Variants in C12orf42 observed in about 807,000 individuals in gnomAD.
C12orf42 encodes the protein uncharacterized protein C12orf42.
C12orf42 carries 25 observed loss-of-function variants against 21.6 expected under a neutral mutation model. The ratio of observed to expected loss-of-function variants is 1.16; its 90% CI spans 0.84 to 1.62. The LOEUF is 1.62. Ranked by LOEUF, C12orf42 falls within the 40% of genes most tolerant of loss-of-function variation. The pLI, the probability that C12orf42 is intolerant of heterozygous loss-of-function variation, is 0.00. For missense variants in C12orf42, 483 were observed against 459.3 expected (o/e 1.05, Z -0.47); for synonymous variants, 174 against 175.0 (o/e 0.99, Z 0.05).
chr12:103,146,828 G>T, the C12orf42 span, among the ~76,000 whole-genome samples: 33 of 152,178 alleles, frequency 2.2e-4, no homozygotes, highest in African/African-American at 7.9e-4. Flanking sequence ...TCTACCAATT[G>T]TGGTTTGCAT....
chr12:103,049,497 C>T, the C12orf42 span, among the ~76,000 whole-genome samples: 1 of 152,146 alleles, frequency 6.6e-6, no homozygotes, highest in Non-Finnish European at 1.5e-5. Flanking sequence ...CCCTTCTGTC[C>T]TTGCCCCATA....
upstream of C12orf42, among the ~76,000 whole-genome samples, chr12:103,500,668 T>G (rs1156815155): frequency 6.6e-6 from 1 of 152,184 alleles, no homozygotes; most frequent in Non-Finnish European, 1.5e-5. Context: ...GTTCTGTAAT[T>G]AAAAGAGTGG....
intron 4 of C12orf42, among the ~76,000 whole-genome samples, chr12:103,364,259 C>T (rs536620162): frequency 2.9e-4 from 44 of 152,000 alleles, no homozygotes; most frequent in Non-Finnish European, 5.3e-4. Context: ...GGGTCAACAA[C>T]GAAATCGATA....
At chr12:103,367,862 A>G (rs2044764267) in intron 4 of C12orf42, 1 of 287,528 alleles carries the variant, frequency 3.5e-6, no homozygotes, top group African/African-American at 2.2e-5. Flanking sequence ...ACATTACTCC[A>G]AGAGTTTGAA....
At chr12:103,531,972 ACT>A in the C12orf42 span, among the ~76,000 whole-genome samples, 1 of 152,164 alleles carries the variant, frequency 6.6e-6, no homozygotes, top group Non-Finnish European at 1.5e-5. Flanking sequence ...GATAAGGCAG[ACT>A]CTGCTGCAAT....
the C12orf42 span, among the ~76,000 whole-genome samples, chr12:103,115,128 G>A: frequency 6.6e-6 from 1 of 152,210 alleles, no homozygotes; most frequent in South Asian, 2.1e-4. Flanking sequence ...AAGTCTTTAT[G>A]TTAATCTCTA....
the C12orf42 span, among the ~76,000 whole-genome samples, chr12:103,168,649 A>G: frequency 6.6e-6 from 1 of 152,112 alleles, no homozygotes; most frequent in Non-Finnish European, 1.5e-5. Flanking sequence ...CCGTTTAAAA[A>G]TCAGAACTGG....
chr12:103,286,482 A>G (rs1270350769), intron 4 of C12orf42, among the ~76,000 whole-genome samples: 1 of 151,486 alleles, frequency 6.6e-6, no homozygotes, highest in East Asian at 1.9e-4. Context: ...ATATAAAATA[A>G]TATCATAGTA....
chr12:103,082,406 T>A, the C12orf42 span, among the ~76,000 whole-genome samples: 3 of 152,234 alleles, frequency 2.0e-5, no homozygotes, highest in Non-Finnish European at 2.9e-5. Flanking sequence ...TTGTCTCCAG[T>A]GTTTTTCCCC....
chr12:103,127,499 G>A, the C12orf42 span, among the ~76,000 whole-genome samples: 11 of 152,118 alleles, frequency 7.2e-5, no homozygotes, highest in Non-Finnish European at 1.3e-4. Flanking sequence ...AAATAGAAGT[G>A]TGTGTGTATA....
the C12orf42 span, among the ~76,000 whole-genome samples, chr12:103,527,776 C>T: frequency 6.6e-6 from 1 of 152,174 alleles, no homozygotes; most frequent in Non-Finnish European, 1.5e-5. Flanking sequence ...AGACCACATG[C>T]CTTCACAATG....
chr12:103,493,710 C>T (rs978957892), intron 1 of C12orf42, among the ~76,000 whole-genome samples: 5 of 72,162 alleles, frequency 6.9e-5, no homozygotes, highest in African/African-American at 2.9e-4. Context: ...AAGCAAAAGC[C>T]AAAAGGGGAG....
the C12orf42 span, among the ~76,000 whole-genome samples, chr12:103,113,537 G>T: frequency 6.7e-6 from 1 of 148,718 alleles, no homozygotes; most frequent in Non-Finnish European, 1.5e-5. Context: ...TCAACATTTG[G>T]CCATGTCTGG....
chr12:103,203,186 C>T, the C12orf42 span, among the ~76,000 whole-genome samples: 1 of 152,182 alleles, frequency 6.6e-6, no homozygotes, highest in Non-Finnish European at 1.5e-5. Flanking sequence ...GAAGTTTCCT[C>T]ACCTAGCTTT....
chr12:103,279,096 A>G (rs913786132), intron 4 of C12orf42, among the ~76,000 whole-genome samples: 2 of 152,222 alleles, frequency 1.3e-5, no homozygotes, highest in African/African-American at 4.8e-5. Context: ...ATCAGTAGGT[A>G]TAAAGTTTTG....
chr12:103,269,464 A>G (rs560069270), intron 6 of C12orf42, among the ~76,000 whole-genome samples: 1 of 152,302 alleles, frequency 6.6e-6, no homozygotes, highest in South Asian at 2.1e-4. Context: ...AGTCATGATC[A>G]TAATAATGGT....
intron 5 of C12orf42, among the ~76,000 whole-genome samples, chr12:103,272,507 G>A (rs982072384): frequency 6.6e-6 from 1 of 152,140 alleles, no homozygotes; most frequent in African/African-American, 2.4e-5. Flanking sequence ...ATTATGTTGA[G>A]CTGCCCCTCA....
chr12:103,062,274 A>G, the C12orf42 span, among the ~76,000 whole-genome samples: 821 of 151,416 alleles, frequency 5.4e-3, 3 homozygotes, highest in Non-Finnish European at 8.9e-3. Context: ...TATCTGTGAT[A>G]TATTTTCCTT....
intron 2 of C12orf42, among the ~76,000 whole-genome samples, chr12:103,462,501 T>C (rs1489607926): frequency 6.6e-6 from 1 of 152,198 alleles, no homozygotes; most frequent in African/African-American, 2.4e-5. Flanking sequence ...AGTAACATCA[T>C]AGGTGGTTGC....
Sources: gnomAD v4.1 joint callset for allele counts (sites outside exome capture counted in the v4.1 genomes callset) on GRCh38, gnomAD v4.1.1 for gene constraint, MANE v1.5 for transcripts, NCBI Gene and HGNC (gene_info 2026-07-23, HGNC 2026-07-21) for gene names.